The following RNF141 variants were observed in gnomAD, a reference collection of about 807,000 sequenced individuals.
RNF141 encodes ring finger protein 141, also known as C3HC4-like zinc finger protein.
A neutral mutation model predicts 27.4 loss-of-function variants in RNF141; 18 were observed. The ratio of observed to expected loss-of-function variants is 0.66; its 90% CI spans 0.45 to 0.97. RNF141 has a LOEUF of 0.97. Ranked by LOEUF, RNF141 falls within the 50% of genes least tolerant of loss-of-function variation. The pLI is 0.00. For missense variants in RNF141, 230 were observed against 279.4 expected (o/e 0.82, Z 1.26); for synonymous variants, 97 against 96.6 (o/e 1.00, Z -0.02).
intron 1 of RNF141, 92 bp from the exon 2 acceptor site, chr11:10,534,297 C>G (rs1375750471): frequency 2.3e-6 from 2 of 871,054 alleles, no homozygotes; most frequent in African/African-American, 1.7e-5. Flanking sequence ...CTAGGGATAC[C>G]TTTAAGTGAG....
At chr11:10,539,701 A>ATATATATATATATATATATATATATAC (rs10524171) in intron 1 of RNF141, among the ~76,000 whole-genome samples, 2 of 31,466 alleles carry the variant, frequency 6.4e-5, no homozygotes, top group Non-Finnish European at 1.4e-4. Flanking sequence ...CATATATATT[A>ATATATATATATATATATATATATATAC]GAGAGAGAAG....
At chr11:10,524,270 C>A (rs1442531185) in intron 4 of RNF141, among the ~76,000 whole-genome samples, 1 of 152,162 alleles carries the variant, frequency 6.6e-6, no homozygotes, top group African/African-American at 2.4e-5. Flanking sequence ...AAAAAATTAG[C>A]CGGGCGTGGT....
At chr11:10,529,280 C>G (rs1849966277) in intron 3 of RNF141, among the ~76,000 whole-genome samples, 1 of 152,164 alleles carries the variant, frequency 6.6e-6, no homozygotes, top group African/African-American at 2.4e-5. Flanking sequence ...TCTGCTGGGT[C>G]TTTAATTTAA....
At chr11:10,524,603 T>C (rs1025084202) in intron 4 of RNF141, among the ~76,000 whole-genome samples, 2 of 152,170 alleles carry the variant, frequency 1.3e-5, no homozygotes, top group African/African-American at 4.8e-5. Context: ...GTGGGAACTT[T>C]CATGTGCCAA....
At chr11:10,521,005 A>C (rs1849883573) in intron 4 of RNF141, among the ~76,000 whole-genome samples, 2 of 152,234 alleles carry the variant, frequency 1.3e-5, no homozygotes, top group Admixed American at 1.3e-4. Context: ...AGAATAGTTT[A>C]GTCTTAAGTA....
chr11:10,531,945 A>G (rs931520031), intron 2 of RNF141: 22 of 442,578 alleles, frequency 5.0e-5, no homozygotes, highest in African/African-American at 4.5e-4. Context: ...AGATCACTGC[A>G]CGTCTGAAAT....
chr11:10,530,454 C>T (rs960407174), intron 3 of RNF141, among the ~76,000 whole-genome samples, 189 bp downstream of exon 3: 2 of 152,130 alleles, frequency 1.3e-5, no homozygotes, highest in Non-Finnish European at 2.9e-5. Flanking sequence ...AAAACCCCTG[C>T]TGTATAGCAA....
chr11:10,526,856 AT>A (rs1849940652), intron 3 of RNF141, among the ~76,000 whole-genome samples: 1 of 152,170 alleles, frequency 6.6e-6, no homozygotes, highest in Non-Finnish European at 1.5e-5. Context: ...CAGAAAGTTG[AT>A]TAAATTTTGG....
In RNF141 at chr11:10,524,948, G is replaced by A. The variant is rs368916662; in HGVS notation, c.434+244C>T. Among the ~76,000 whole-genome samples, 13 of 152,200 alleles carry A rather than the reference G, an allele frequency of 8.5e-5. No homozygotes were observed. The East Asian group carries it at 1.5e-3, about 18-fold the overall frequency. ...GTCAATAAATGCATGCATATAGAGC[G>A]GATTCCTGGAGACCAGTGTGACAGA... On this transcript the variant is annotated intron_variant, in intron 4 of 5. Transcript: ENST00000265981.
At chr11:10,525,442 GAACA>G (rs1319959948) in intron 3 of RNF141, 69 bp from the exon 4 acceptor site, 1 of 1,214,076 alleles carries the variant, frequency 8.2e-7, no homozygotes, top group African/African-American at 1.5e-5. Context: ...CAAAAAGGGG[GAACA>G]AATATTTAGT....
At chr11:10,527,239 T>C (rs1040719963) in intron 3 of RNF141, among the ~76,000 whole-genome samples, 3 of 152,164 alleles carry the variant, frequency 2.0e-5, no homozygotes, top group Non-Finnish European at 4.4e-5. Flanking sequence ...AGTTACATGA[T>C]AGGTAGGAGA....
chr11:10,515,196 C>A (rs533489809), intron 5 of RNF141, 130 bp from the exon 6 acceptor site: 7 of 999,316 alleles, frequency 7.0e-6, no homozygotes, highest in Non-Finnish European at 8.6e-6. Flanking sequence ...AAATAAATCC[C>A]TCCCTCCTAT....
intron 4 of RNF141, 84 bp downstream of exon 4, chr11:10,525,108 A>G: frequency 9.3e-7 from 1 of 1,080,242 alleles, no homozygotes. Context: ...AGATGCTACA[A>G]TGAGCAACAG....
chr11:10,540,040 C>G (rs1414371520), intron 1 of RNF141, among the ~76,000 whole-genome samples: 1 of 151,818 alleles, frequency 6.6e-6, no homozygotes, highest in Non-Finnish European at 1.5e-5. Context: ...GATAAAAATC[C>G]ATACTATTTT....
chr11:10,530,263 G>A (rs1849973902), intron 3 of RNF141, among the ~76,000 whole-genome samples: 1 of 151,924 alleles, frequency 6.6e-6, no homozygotes. Flanking sequence ...TCTTTTTAAT[G>A]AATGAATGTA....
rs145062180 is a variant in RNF141, at chr11:10,523,406, A to G, written c.434+1786T>C. Among the ~76,000 whole-genome samples the G allele has an allele frequency of 9.3e-4, 141 of 152,366 alleles. 1 individual carries two copies. In the East Asian group the frequency reaches 0.025, roughly 27 times the overall value. On this transcript the variant is annotated intron_variant, in intron 4 of 5. Transcript: ENST00000265981. Reference sequence around the variant, plus strand: ...CAGATTCTTTGGCTGAAATGGGCCGATAATTGTACTCCCATATGGGGTTGT... The same window carrying G: ...CAGATTCTTTGGCTGAAATGGGCCGGTAATTGTACTCCCATATGGGGTTGT...
chr11:10,520,314 T>C (rs1849878461), intron 4 of RNF141, among the ~76,000 whole-genome samples: 1 of 152,238 alleles, frequency 6.6e-6, no homozygotes, highest in Non-Finnish European at 1.5e-5. Context: ...AGAAATATTT[T>C]ATAAGCTTTT....
intron 3 of RNF141, among the ~76,000 whole-genome samples, chr11:10,527,297 T>C (rs1849944122): frequency 6.6e-6 from 1 of 151,900 alleles, no homozygotes; most frequent in South Asian, 2.1e-4. Context: ...TGAAAATAAG[T>C]GTAATGGAGA....
In RNF141 at chr11:10,512,405, T is replaced by C. The variant is rs12448; in HGVS notation, c.*2511A>G. ...ACATTTTATATTCACAGTAGATCAG[T>C]AAGTGTCTTGGAGCTCATATTGTAA... On this transcript the variant is annotated 3_prime_UTR_variant, in exon 6 of 6. Coordinates refer to ENST00000265981, the MANE Select transcript of RNF141 (RefSeq NM_016422.4). 0.26 allele frequency: 39,471 copies of C among 152,510 alleles called. 5,743 individuals are homozygous for C. Among genetic ancestry groups the C allele is most frequent in the Middle Eastern group, 0.36 (107 of 294 alleles). 9.4% of individuals were successfully genotyped at this position (152,510 alleles called of 1,614,324 possible). A position where few individuals can be genotyped will look rare whatever the true frequency, so the allele number is the denominator to read the frequency against.
Sources: allele counts gnomAD v4.1 joint callset (sites outside exome capture counted in the v4.1 genomes callset), GRCh38; gene constraint gnomAD v4.1.1; transcripts MANE v1.5; gene names NCBI Gene and HGNC (gene_info 2026-07-23, HGNC 2026-07-21).